Variants in SH3GL2 observed in about 807,000 individuals in gnomAD.
SH3GL2 encodes endophilin-A1.
Under a neutral mutation model 46.0 loss-of-function variants are expected in SH3GL2, and 24 were observed. The observed-to-expected ratio is 0.52, with a 90% CI of 0.38 to 0.73. The LOEUF is 0.73. SH3GL2 is among the 30% of genes least tolerant of loss of function. SH3GL2 has a pLI of 0.00. For missense variants in SH3GL2, 413 were observed against 424.2 expected, an observed-to-expected ratio of 0.97 and a Z score of 0.23; for synonymous variants, 196 against 147.1, an observed-to-expected ratio of 1.33 and a Z score of -2.40.
At chr9:17,790,149 C>A (rs1342269169) in intron 6 of SH3GL2, among the ~76,000 whole-genome samples, 1 of 152,118 alleles carries the variant, frequency 6.6e-6, no homozygotes, top group African/African-American at 2.4e-5. Context: ...TGTCCCTTCG[C>A]TAGAAGAGAG....
chr9:17,688,159 GC>G (rs1820973334), intron 1 of SH3GL2, among the ~76,000 whole-genome samples: 1 of 152,032 alleles, frequency 6.6e-6, no homozygotes, highest in South Asian at 2.1e-4. Context: ...AGCAATGGGT[GC>G]CTCATGTCGA....
chr9:17,580,381 A>G (rs1256949638), intron 1 of SH3GL2, among the ~76,000 whole-genome samples: 2 of 152,190 alleles, frequency 1.3e-5, no homozygotes, highest in African/African-American at 2.4e-5. Flanking sequence ...TATGAACCAC[A>G]TCCAGAAAAG....
chr9:17,632,793 A>T (rs1819462039), intron 1 of SH3GL2, among the ~76,000 whole-genome samples: 1 of 152,154 alleles, frequency 6.6e-6, no homozygotes, highest in Non-Finnish European at 1.5e-5. Flanking sequence ...TTGTGCTCTC[A>T]ATGTGTCCCT....
chr9:17,649,403 T>C (rs1164663254), intron 1 of SH3GL2, among the ~76,000 whole-genome samples: 2 of 152,194 alleles, frequency 1.3e-5, no homozygotes, highest in Non-Finnish European at 2.9e-5. Flanking sequence ...TTGAAACCAG[T>C]GTTCTGAATT....
At chr9:17,626,269 A>T (rs1044594244) in intron 1 of SH3GL2, among the ~76,000 whole-genome samples, 3 of 152,126 alleles carry the variant, frequency 2.0e-5, no homozygotes, top group African/African-American at 7.2e-5. Context: ...GTGCTTTCAG[A>T]TTGCTCTGGC....
At chr9:17,626,896 C>G (rs912328897) in intron 1 of SH3GL2, among the ~76,000 whole-genome samples, 1 of 152,132 alleles carries the variant, frequency 6.6e-6, no homozygotes, top group South Asian at 2.1e-4. Flanking sequence ...AGTCTCCTTT[C>G]TAACTACCAA....
chr9:17,595,141 T>G (rs1818547470), intron 1 of SH3GL2, among the ~76,000 whole-genome samples: 1 of 152,192 alleles, frequency 6.6e-6, no homozygotes, highest in Admixed American at 6.5e-5. Flanking sequence ...ACAGCTTCAG[T>G]GGCAGAGTCA....
intron 1 of SH3GL2, among the ~76,000 whole-genome samples, chr9:17,642,270 G>A (rs771040256): frequency 6.6e-6 from 1 of 152,156 alleles, no homozygotes; most frequent in African/African-American, 2.4e-5. Flanking sequence ...CCCTTTGTCA[G>A]ATGGATAGAT....
intron 1 of SH3GL2, among the ~76,000 whole-genome samples, chr9:17,742,644 T>C (rs1309650931): frequency 1.3e-5 from 2 of 152,164 alleles, no homozygotes; most frequent in Non-Finnish European, 2.9e-5. Flanking sequence ...AACAAATCTT[T>C]ACTGAATACC....
At chr9:17,779,430 C>T (rs560866870) in intron 3 of SH3GL2, among the ~76,000 whole-genome samples, 2 of 152,188 alleles carry the variant, frequency 1.3e-5, no homozygotes, top group African/African-American at 4.8e-5. Context: ...CAATCTTTTC[C>T]TGTTAGTAAC....
intron 7 of SH3GL2, 133 bp downstream of exon 7, chr9:17,791,467 G>A (rs1431425279): frequency 1.5e-6 from 1 of 650,034 alleles, no homozygotes; most frequent in Non-Finnish European, 2.8e-6. Context: ...GAGGCGCCTT[G>A]TGGATTGTTT....
chr9:17,741,367 A>G lies in SH3GL2; in HGVS notation c.46-5699A>G, dbSNP rs1323221660. The stretch of plus-strand genomic sequence containing the variant: ...ATACATGTATTTAGACGGTAGCAAG[A>G]TTAAGAAAATAATTAGGTCATTAAT... On this transcript the variant is annotated intron_variant, in intron 1 of 8. Transcript: ENST00000380607. 3.3e-5 allele frequency among the ~76,000 whole-genome samples: 5 copies of G among 152,192 alleles called. No individual in the cohort carries two copies. The East Asian group carries it at 7.7e-4, about 23-fold the overall frequency.
At chr9:17,673,437 C>T (rs538962629) in intron 1 of SH3GL2, among the ~76,000 whole-genome samples, 59 of 151,932 alleles carry the variant, frequency 3.9e-4, no homozygotes, top group East Asian at 1.9e-3. Context: ...TGAGCCACCA[C>T]GCCTGGCCTT....
chr9:17,598,081 G>A (rs746103550), intron 1 of SH3GL2, among the ~76,000 whole-genome samples: 4 of 152,184 alleles, frequency 2.6e-5, no homozygotes, highest in Non-Finnish European at 5.9e-5. Context: ...GCACTCTCAC[G>A]TGGAGGTCAT....
chr9:17,622,135 A>G (rs1819155179), intron 1 of SH3GL2, among the ~76,000 whole-genome samples: 1 of 152,120 alleles, frequency 6.6e-6, no homozygotes, highest in African/African-American at 2.4e-5. Context: ...GTTGCTTGTA[A>G]CCTTTTAATG....
chr9:17,705,899 C>A (rs886928515), intron 1 of SH3GL2, among the ~76,000 whole-genome samples: 4 of 151,882 alleles, frequency 2.6e-5, no homozygotes, highest in Non-Finnish European at 5.9e-5. Flanking sequence ...TCATGACATG[C>A]AATTTACCCA....
At chr9:17,611,754 A>T (rs1818872416) in intron 1 of SH3GL2, among the ~76,000 whole-genome samples, 2 of 152,190 alleles carry the variant, frequency 1.3e-5, no homozygotes, top group Non-Finnish European at 2.9e-5. Flanking sequence ...CCCCGTCAGG[A>T]GGAGATTAGA....
At chr9:17,620,523 A>G (rs1357815461) in intron 1 of SH3GL2, among the ~76,000 whole-genome samples, 3 of 152,178 alleles carry the variant, frequency 2.0e-5, no homozygotes, top group East Asian at 1.9e-4. Flanking sequence ...CAGACATGCA[A>G]CTACTAACCA....
chr9:17,749,363 G>A lies in SH3GL2; in HGVS notation c.114+2229G>A, dbSNP rs562110062. ...TGCCCATAAAATTGGAGTTCCTCAC[G>A]CTTCATTTGAACAGCCCATGGGTTA... On this transcript the variant is annotated intron_variant, in intron 2 of 8. Transcript: ENST00000380607. Among the ~76,000 whole-genome samples the A allele has an allele frequency of 4.5e-4, 68 of 152,210 alleles. 1 individual carries two copies. Among genetic ancestry groups the A allele is most frequent in the Non-Finnish European group, 8.7e-4 (59 of 68,008 alleles).
Sources: allele counts gnomAD v4.1 joint callset (sites outside exome capture counted in the v4.1 genomes callset), GRCh38; gene constraint gnomAD v4.1.1; transcripts MANE v1.5; gene names NCBI Gene and HGNC (gene_info 2026-07-23, HGNC 2026-07-21).